ZFP62: variants seen among roughly 807,000 people sequenced by gnomAD.
ZFP62 encodes ZFP62 zinc finger protein, also known as zinc finger protein 62 homolog.
In ZFP62, 44 loss-of-function variants were observed where a neutral mutation model predicts 56.4. The ratio of observed to expected loss-of-function variants is 0.78; its 90% CI spans 0.61 to 1.00. The LOEUF (loss-of-function observed/expected upper bound fraction) is 1.00, where lower values mean the gene tolerates loss of function less well. ZFP62 is among the 50% of genes least tolerant of loss of function. The pLI, the probability that ZFP62 is intolerant of heterozygous loss-of-function variation, is 0.00. For synonymous variants in ZFP62, 421 were observed against 388.9 expected, an observed-to-expected ratio of 1.08 and a Z score of -0.97; for missense variants, 1,030 against 1,085.7, an observed-to-expected ratio of 0.95 and a Z score of 0.72.
rs1228225648 is a variant in ZFP62 at position 180,849,628 on chromosome 5, C to T, written c.1867G>A (p.Glu623Lys). 2 of 1,551,936 alleles carry T rather than the reference C, an allele frequency of 1.3e-6. No individual in the cohort carries two copies. The highest frequency in any genetic ancestry group is 1.7e-6 in the Non-Finnish European group (2 of 1,147,054). The change falls in exon 2 of 2, where the codon GAG (glutamate) becomes AAG (lysine). Residue 623 changes from glutamate (E) to lysine (K), a missense_variant. Transcript: ENST00000502412. ...GEKPYKCDVC[E>K]KSFNYTSLLS... ...AGCGATGTGTAATTAAAAGATTTCT[C>T]ACACACATCACATTTGTAGGGCTTC...
Position 180,849,556 on chromosome 5 carries a change from A to G in ZFP62, c.1939T>C (p.Cys647Arg), listed in dbSNP as rs754100625. The G allele has an allele frequency of 3.2e-6, 5 of 1,552,184 alleles. No homozygotes were observed. In the South Asian group the frequency reaches 5.9e-5, roughly 18 times the overall value. The change falls in exon 2 of 2, where the codon TGT becomes CGT. Residue 647 changes from cysteine to arginine, a missense_variant. Cys to Arg is a radical substitution (Grantham distance 180). Coordinates refer to ENST00000502412, the MANE Select transcript of ZFP62 (RefSeq NM_001172638.2). ...CTGAAGACCTTCTCACACCTGTCACATTCATAGGGTTTCTCTCTAGTGTGG... is the reference window on the plus strand; with the variant it reads ...CTGAAGACCTTCTCACACCTGTCACGTTCATAGGGTTTCTCTCTAGTGTGG... ...RVHTREKPYE[C>R]DRCEKVFRNN...
Position 180,847,734 on chromosome 5 carries a change from T to C in ZFP62, c.*1058A>G. 1.0e-6 allele frequency: 1 copy of C among 985,462 alleles called. No individual in the cohort carries two copies. The highest frequency in any genetic ancestry group is 1.1e-4 in the East Asian group (1 of 8,822). 61.0% of individuals were successfully genotyped at this position (985,462 alleles called of 1,614,324 possible). ...CGTTAACATTTTACAACAGACAACA[T>C]ATACATGTCCTGCATGACATCTTTA... On this transcript the variant is annotated 3_prime_UTR_variant, in exon 2 of 2. Transcript: ENST00000502412.
rs771081745 is a variant in ZFP62, at chr5:180,851,086, C to CA, written c.408dup (p.Val137CysfsTer2). ...TCATCACATTTATGTAATTTCTTAA[C>CA]AGCATTGGTTTTCTGCTGTAGACTA... is the stretch of plus-strand genomic sequence containing the variant. On this transcript the variant is annotated frameshift_variant, in exon 2 of 2. Transcript: ENST00000502412. LOFTEE classifies it high-confidence loss of function. 1 of 1,551,694 alleles carries CA rather than the reference C, an allele frequency of 6.4e-7. No homozygotes were observed. Among genetic ancestry groups the CA allele is most frequent in the Non-Finnish European group, 8.7e-7 (1 of 1,146,998 alleles).
At chr5:180,832,744 GAC>G in the ZFP62 span, 4 of 152,152 alleles carry the variant, frequency 2.6e-5, no homozygotes, top group Non-Finnish European at 5.9e-5. Context: ...GTTACCTCCA[GAC>G]ACACAGAATC....
At chr5:180,846,537 C>T (rs1240432060), downstream of ZFP62, among the ~76,000 whole-genome samples, 1 of 152,238 alleles carries the variant, frequency 6.6e-6, no homozygotes, top group Non-Finnish European at 1.5e-5. Flanking sequence ...CACATCAGCC[C>T]TGCCAGAGAC....
the ZFP62 span, among the ~76,000 whole-genome samples, chr5:180,840,728 C>G: frequency 1.3e-5 from 2 of 151,684 alleles, no homozygotes; most frequent in Admixed American, 6.6e-5. Context: ...TGCACTCTAT[C>G]TAGCCTGGGC....
downstream of ZFP62, among the ~76,000 whole-genome samples, chr5:180,844,288 T>A (rs2113660668): frequency 6.6e-6 from 1 of 152,308 alleles, no homozygotes; most frequent in Middle Eastern, 3.4e-3. Flanking sequence ...ATTTTACAGA[T>A]GGGAAAATGA....
downstream of ZFP62, chr5:180,847,590 T>A (rs1773449692): frequency 1.0e-6 from 1 of 985,314 alleles, no homozygotes; most frequent in Non-Finnish European, 1.2e-6. Context: ...TTGGGTATCC[T>A]CCATCTAAAC....
intron 1 of ZFP62, among the ~76,000 whole-genome samples, chr5:180,860,046 T>A (rs1291010868): frequency 6.6e-6 from 1 of 152,062 alleles, no homozygotes; most frequent in Non-Finnish European, 1.5e-5. Context: ...TTACCACAGC[T>A]CTGTAAAACA....
At chr5:180,845,941 T>G (rs1773402370), downstream of ZFP62, 369 of 749,258 alleles carry the variant, frequency 4.9e-4, no homozygotes, top group Non-Finnish European at 5.3e-4. Context: ...AGACATGCAC[T>G]CCTATGGAAG....
chr5:180,827,421 G>T, the ZFP62 span, among the ~76,000 whole-genome samples: 1 of 152,314 alleles, frequency 6.6e-6, no homozygotes, highest in South Asian at 2.1e-4. Flanking sequence ...TCCCTGAAAC[G>T]TGTGCTGTGT....
At chr5:180,840,400 C>T in the ZFP62 span, among the ~76,000 whole-genome samples, 5 of 152,278 alleles carry the variant, frequency 3.3e-5, no homozygotes, top group East Asian at 9.7e-4. Context: ...AACTAGATAA[C>T]TTGCAGGATT....
downstream of ZFP62, among the ~76,000 whole-genome samples, chr5:180,843,018 G>T (rs1260021733): frequency 2.0e-5 from 3 of 150,052 alleles, no homozygotes; most frequent in Admixed American, 6.7e-5. Flanking sequence ...ACTCCAGCCT[G>T]GGTGACAAAG....
At position 180,850,277 on chromosome 5, in the gene ZFP62, T is replaced by C. The variant is rs780976589; in HGVS notation, c.1218A>G (p.Ser406=). 5.8e-6 allele frequency: 9 copies of C among 1,557,418 alleles called. No individual in the cohort carries two copies. Among genetic ancestry groups the C allele is most frequent in the South Asian group, 1.2e-5 (1 of 84,386 alleles). ...GAATGCTTTTATGGACTGCGAGGCC[T>C]GAGCTATAGCTGAATGCTTTGCCAC... The part of the protein sequence containing the change: ...DVCGKAFSYS[S]GLAVHKSIHP... The change falls in exon 2 of 2, where the codon TCA becomes TCG. Residue 406 remains serine, a synonymous_variant. Coordinates refer to ENST00000502412, the MANE Select transcript of ZFP62 (RefSeq NM_001172638.2).
chr5:180,832,601 A>G, the ZFP62 span: 1 of 152,346 alleles, frequency 6.6e-6, no homozygotes, highest in East Asian at 1.9e-4. Context: ...GGTGTTAGGA[A>G]GTATTGTTTT....
At chr5:180,832,172 T>C in the ZFP62 span, among the ~76,000 whole-genome samples, 1 of 152,186 alleles carries the variant, frequency 6.6e-6, no homozygotes, top group Non-Finnish European at 1.5e-5. Flanking sequence ...TTTTTTTCTT[T>C]GAGACAGTCT....
chr5:180,833,265 G>A, the ZFP62 span, among the ~76,000 whole-genome samples: 1 of 151,970 alleles, frequency 6.6e-6, no homozygotes, highest in East Asian at 1.9e-4. Context: ...CGGATCACGA[G>A]GTCAAGAGAT....
downstream of ZFP62, chr5:180,845,595 C>T (rs1365316240): frequency 4.3e-6 from 2 of 465,006 alleles, no homozygotes; most frequent in Non-Finnish European, 5.6e-6. Context: ...AATTGAAGTA[C>T]TGTATTCTGC....
chr5:180,846,379 A>G (rs1376457873), downstream of ZFP62, among the ~76,000 whole-genome samples: 1 of 152,240 alleles, frequency 6.6e-6, no homozygotes, highest in Admixed American at 6.5e-5. Context: ...CTGGAGCTCA[A>G]GTACGGGAGC....
Sources: gnomAD v4.1 joint callset for allele counts (sites outside exome capture counted in the v4.1 genomes callset) on GRCh38, gnomAD v4.1.1 for gene constraint, MANE v1.5 for transcripts, NCBI Gene and HGNC (gene_info 2026-07-23, HGNC 2026-07-21) for gene names.